The following NRG2 variants were observed in gnomAD, a reference collection of about 807,000 sequenced individuals.
The protein encoded by NRG2 is pro-neuregulin-2, membrane-bound isoform.
NRG2 carries 27 observed loss-of-function variants against 73.9 expected under a neutral mutation model. The ratio of observed to expected loss-of-function variants is 0.37; its 90% confidence interval spans 0.27 to 0.50. The LOEUF (loss-of-function observed/expected upper bound fraction) is 0.50. Ranked by LOEUF, NRG2 falls within the 20% of genes least tolerant of loss-of-function variation. NRG2 has a pLI of 0.96. For missense variants in NRG2, 1,126 were observed against 1,210.1 expected, an observed-to-expected ratio of 0.93 and a Z score of 1.03; for synonymous variants, 532 against 541.0, an observed-to-expected ratio of 0.98 and a Z score of 0.23.
intron 1 of NRG2, among the ~76,000 whole-genome samples, chr5:139,982,385 G>T (rs751298313): frequency 6.6e-6 from 1 of 151,804 alleles, no homozygotes; most frequent in African/African-American, 2.4e-5. Flanking sequence ...GATCCAAACC[G>T]CCAGGACTGT....
chr5:139,988,435 A>C (rs1369568240), intron 1 of NRG2, among the ~76,000 whole-genome samples: 4 of 152,084 alleles, frequency 2.6e-5, no homozygotes, highest in Non-Finnish European at 5.9e-5. Flanking sequence ...ACTGTGGTAA[A>C]CCAGTAAATG....
rs1581888066 is a variant in NRG2 at position 139,894,792 on chromosome 5, G to C, written c.701-7281C>G. On this transcript the variant is annotated intron_variant, in intron 1 of 9. Transcript: ENST00000361474. This position sits in a 1 kb window ranked among gnomAD's most constrained non-coding sequence, Gnocchi z 5.0. Reference sequence around the variant, plus strand: ...AAGACATGGCCCTGGTGTCGGGTTGGTCTCTGCCTCCTGTTTAGGGCTCCC... The same window carrying C: ...AAGACATGGCCCTGGTGTCGGGTTGCTCTCTGCCTCCTGTTTAGGGCTCCC... Among the ~76,000 whole-genome samples the C allele has an allele frequency of 6.6e-6, 1 of 152,212 alleles. No homozygotes were observed. Among genetic ancestry groups the C allele is most frequent in the Admixed American group, 6.5e-5 (1 of 15,286 alleles).
intron 1 of NRG2, among the ~76,000 whole-genome samples, chr5:140,012,573 C>T (rs1221302122): frequency 1.3e-5 from 2 of 152,160 alleles, no homozygotes; most frequent in Non-Finnish European, 2.9e-5. Flanking sequence ...TACCCATCAC[C>T]TTGTTATTAC....
intron 1 of NRG2, among the ~76,000 whole-genome samples, chr5:140,037,129 C>T (rs1015327478): frequency 1.3e-5 from 2 of 152,198 alleles, no homozygotes; most frequent in Admixed American, 6.5e-5. Flanking sequence ...TTGACAACTG[C>T]GGTCTCTGTC....
At chr5:140,014,538 G>A (rs1280637683) in intron 1 of NRG2, among the ~76,000 whole-genome samples, 1 of 152,028 alleles carries the variant, frequency 6.6e-6, no homozygotes, top group Non-Finnish European at 1.5e-5. Flanking sequence ...TGCCCCGCCT[G>A]GATTCATTTT....
At chr5:139,917,315 G>A (rs1252607053) in intron 1 of NRG2, among the ~76,000 whole-genome samples, 2 of 152,110 alleles carry the variant, frequency 1.3e-5, no homozygotes, top group Admixed American at 6.6e-5. Context: ...ACAGTGGTGT[G>A]ATCACGGTTC....
rs554451427 is a variant in NRG2 at position 139,903,210 on chromosome 5, A to G, written c.701-15699T>C. 3.0e-4 allele frequency among the ~76,000 whole-genome samples: 46 copies of G among 152,186 alleles called. No homozygotes were observed. The East Asian group carries it at 8.5e-3, about 28-fold the overall frequency. ...TGGGCACTCCAGTGAGGGGATAGAG[A>G]CCCAGCAAGTCTCAGGACCTTTGTC... is the stretch of plus-strand genomic sequence containing the variant. On this transcript the variant is annotated intron_variant, in intron 1 of 9. Transcript: ENST00000361474.
chr5:139,858,365 AT>A (rs373929008), intron 5 of NRG2, among the ~76,000 whole-genome samples: 22 of 152,270 alleles, frequency 1.4e-4, no homozygotes, highest in African/African-American at 5.3e-4. Context: ...CTTAAAACAG[AT>A]GTCACCTCCT....
At chr5:139,997,636 G>A (rs986277904) in intron 1 of NRG2, among the ~76,000 whole-genome samples, 4 of 152,200 alleles carry the variant, frequency 2.6e-5, no homozygotes, top group Non-Finnish European at 4.4e-5. Context: ...GCATCATCTG[G>A]CAAATAGCAG....
intron 1 of NRG2, among the ~76,000 whole-genome samples, chr5:139,988,847 G>A (rs1757366779): frequency 6.6e-6 from 1 of 151,902 alleles, no homozygotes; most frequent in Admixed American, 6.6e-5. Flanking sequence ...ACTCTCGTGG[G>A]GGATATTGTA....
chr5:140,023,098 AT>A (rs1760372251), intron 1 of NRG2, among the ~76,000 whole-genome samples: 1 of 152,178 alleles, frequency 6.6e-6, no homozygotes, highest in Admixed American at 6.5e-5. Context: ...TCCAGTATGA[AT>A]TGTGTATACA....
chr5:139,997,123 C>T (rs1758079812), intron 1 of NRG2, among the ~76,000 whole-genome samples: 1 of 151,714 alleles, frequency 6.6e-6, no homozygotes, highest in African/African-American at 2.4e-5. Flanking sequence ...GCCTGGGCAA[C>T]CAGAATGAGA....
At chr5:139,855,609 TCA>T in intron 6 of NRG2, 65 bp downstream of exon 6, 1 of 1,344,788 alleles carries the variant, frequency 7.4e-7, no homozygotes, top group Non-Finnish European at 1.1e-6. Flanking sequence ...AAAGTCTTCT[TCA>T]CACACATTCT....
intron 1 of NRG2, among the ~76,000 whole-genome samples, chr5:139,896,087 G>A (rs1764525353): frequency 6.6e-6 from 1 of 152,096 alleles, no homozygotes; most frequent in Non-Finnish European, 1.5e-5. Flanking sequence ...GCAGGGGTTG[G>A]GGAAAGGGGG....
At position 139,865,345 on chromosome 5, in the gene NRG2, G is replaced by A. The variant is rs1762415495; in HGVS notation, c.1189+204C>T. ...TGCAGCCCTGAACTTTAAACCCAAG[G>A]ATTAGGCCAAAAATGAAAACAAAGC... On this transcript the variant is annotated intron_variant, in intron 5 of 9. Transcript: ENST00000361474. The surrounding 1 kb of genome is among the most constrained non-coding windows in gnomAD (Gnocchi z 5.2). Among the ~76,000 whole-genome samples, 1 of 152,000 alleles carries A rather than the reference G, an allele frequency of 6.6e-6. No homozygotes were observed. The highest frequency in any genetic ancestry group is 1.5e-5 in the Non-Finnish European group (1 of 67,984).
chr5:139,872,276 G>A (rs1021331210), intron 3 of NRG2, among the ~76,000 whole-genome samples: 1 of 152,316 alleles, frequency 6.6e-6, no homozygotes, highest in East Asian at 1.9e-4. Flanking sequence ...ACCTACACCC[G>A]CCTGCATGGC....
intron 1 of NRG2, among the ~76,000 whole-genome samples, chr5:139,947,984 G>T (rs1350867877): frequency 6.6e-6 from 1 of 152,080 alleles, no homozygotes; most frequent in African/African-American, 2.4e-5. Context: ...CATGAACATT[G>T]TTGTGCAACC....
At chr5:139,939,017 A>C (rs1217252696) in intron 1 of NRG2, among the ~76,000 whole-genome samples, 1 of 151,380 alleles carries the variant, frequency 6.6e-6, no homozygotes, top group Non-Finnish European at 1.5e-5. Context: ...AAAGGAAGGA[A>C]GGAAGCAAGG....
chr5:139,935,971 A>AAAG (rs1413034122), intron 1 of NRG2, among the ~76,000 whole-genome samples: 7 of 151,290 alleles, frequency 4.6e-5, no homozygotes, highest in Non-Finnish European at 7.4e-5. Context: ...AAAAAAAAAA[A>AAAG]AAAAGAAAGA....
Sources: gnomAD v4.1 joint callset for allele counts (sites outside exome capture counted in the v4.1 genomes callset) on GRCh38, gnomAD v4.1.1 for gene constraint, Gnocchi (gnomAD v3.1) non-coding constraint, MANE v1.5 for transcripts, NCBI Gene and HGNC (gene_info 2026-07-23, HGNC 2026-07-21) for gene names.